Variants in SLC4A7 observed in about 807,000 individuals in gnomAD.
SLC4A7 encodes sodium bicarbonate cotransporter 3.
Under a neutral mutation model 137.6 loss-of-function variants are expected in SLC4A7, and 51 were observed. The ratio of observed to expected loss-of-function variants is 0.37; its 90% CI spans 0.30 to 0.47. SLC4A7 has a LOEUF of 0.47. SLC4A7 is among the 20% of genes least tolerant of loss of function. The probability of loss-of-function intolerance (pLI) is 1.00; values close to 1 mark genes in which losing one functional copy is unlikely to be tolerated. For synonymous variants in SLC4A7, 542 were observed against 518.6 expected (o/e 1.05, Z -0.61); for missense variants, 1,247 against 1,525.4 (o/e 0.82, Z 3.04).
chr3:27,434,198 C>A, intron 5 of SLC4A7, 94 bp from the exon 6 acceptor site: 2 of 769,202 alleles, frequency 2.6e-6, no homozygotes, highest in South Asian at 2.2e-5. Context: ...AAAATTAGAA[C>A]CTTAAATAGC....
chr3:27,468,017 A>C (rs1182744279), intron 1 of SLC4A7, among the ~76,000 whole-genome samples: 1 of 152,204 alleles, frequency 6.6e-6, no homozygotes, highest in Admixed American at 6.5e-5. Context: ...AAATCCTCTC[A>C]GGTTCAAGAG....
chr3:27,410,801 CA>C (rs1378420174), intron 12 of SLC4A7, among the ~76,000 whole-genome samples: 1 of 152,082 alleles, frequency 6.6e-6, no homozygotes, highest in Admixed American at 6.5e-5. Context: ...TTCACAGAGA[CA>C]AAAACACTTC....
chr3:27,387,315 A>G (rs996631067), intron 22 of SLC4A7, among the ~76,000 whole-genome samples: 10 of 152,296 alleles, frequency 6.6e-5, no homozygotes, highest in African/African-American at 2.4e-4. Context: ...GAAAAATAGC[A>G]TGTGTACAGT....
At position 27,411,755 on chromosome 3, in the gene SLC4A7, T is replaced by C; in HGVS notation, c.1660-7A>G. On this transcript the variant is annotated splice_region_variant and splice_polypyrimidine_tract_variant and intron_variant, in intron 11 of 25. Transcript: ENST00000454389. ...CAGGAATCTTTCTCTTTTCCTGAAT[T>C]TCACAAAAAACATTATTTTCAGAAT... 6.8e-7 allele frequency: 1 copy of C among 1,467,654 alleles called. No homozygotes were observed. Among genetic ancestry groups the C allele is most frequent in the Non-Finnish European group, 9.2e-7 (1 of 1,088,758 alleles). 90.9% of individuals were successfully genotyped at this position (1,467,654 alleles called of 1,614,324 possible).
chr3:27,442,582 G>A (rs575206716), intron 3 of SLC4A7, among the ~76,000 whole-genome samples: 175 of 151,916 alleles, frequency 1.2e-3, no homozygotes, highest in Non-Finnish European at 1.6e-3. Flanking sequence ...GTTAATTTTC[G>A]TATTTTTGGT....
chr3:27,459,884 C>A (rs1344304797), intron 1 of SLC4A7, among the ~76,000 whole-genome samples: 1 of 151,440 alleles, frequency 6.6e-6, no homozygotes, highest in Non-Finnish European at 1.5e-5. Context: ...CAATTTTAAA[C>A]AGTATCTTTC....
chr3:27,389,882 T>C (rs763275012), intron 22 of SLC4A7, 49 bp downstream of exon 22: 2 of 1,329,268 alleles, frequency 1.5e-6, no homozygotes, highest in African/African-American at 3.0e-5. Flanking sequence ...AAAAAATTAC[T>C]GTAAACATAT....
chr3:27,484,138 C>A lies in SLC4A7; in HGVS notation c.-12G>T. The A allele has an allele frequency of 7.3e-7, 1 of 1,367,198 alleles. No individual in the cohort carries two copies. Among genetic ancestry groups the A allele is most frequent in the South Asian group, 1.7e-5 (1 of 59,280 alleles). 84.7% of individuals were successfully genotyped at this position (1,367,198 alleles called of 1,614,324 possible). On this transcript the variant is annotated 5_prime_UTR_variant, in exon 1 of 26. Transcript: ENST00000454389. ...CCATCAGCCTCCATGGCCGGCCGGC[C>A]AGCCCGTGACGGCCGCTACGGTACT...
chr3:27,458,268 AGAT>A (rs1215411540), intron 1 of SLC4A7, among the ~76,000 whole-genome samples: 7 of 152,350 alleles, frequency 4.6e-5, no homozygotes, highest in Middle Eastern at 3.4e-3. Flanking sequence ...CTAGCAAAAT[AGAT>A]GATATTTAAT....
rs2050185683 is a variant in SLC4A7 at position 27,379,260 on chromosome 3, TCTG to T, written c.3684_3686del (p.Arg1229del). On this transcript the variant is annotated inframe_deletion, in exon 25 of 26. Transcript: ENST00000454389. ...ATAGTTATAACTACCTCATGTTAGA[TCTG>T]GTTACTTTGGCATTCTCAGTATTCA... The T allele has an allele frequency of 6.5e-7, 1 of 1,527,466 alleles. No homozygotes were observed. Among genetic ancestry groups the T allele is most frequent in the African/African-American group, 1.4e-5 (1 of 72,834 alleles). The allele number at this position is 1,527,466 out of a possible 1,614,324, so 94.6% of individuals were successfully genotyped here. A position where few individuals can be genotyped will look rare whatever the true frequency, so the allele number is the denominator to read the frequency against.
In SLC4A7 at chr3:27,394,859, A is replaced by G. The variant is rs1285592406; in HGVS notation, c.2866-90T>C. The G allele has an allele frequency of 1.9e-6, 3 of 1,539,594 alleles. No individual in the cohort carries two copies. In the African/African-American group the frequency reaches 4.1e-5, roughly 21 times the overall value. ...ACGAATTATAAAGAGGGAAGAAGCTAATTTTCATCTTACATCTTTTAATGT... is the reference window on the plus strand; with the variant it reads ...ACGAATTATAAAGAGGGAAGAAGCTGATTTTCATCTTACATCTTTTAATGT... On this transcript the variant is annotated intron_variant, in intron 19 of 25. Coordinates refer to ENST00000454389, the MANE Select transcript of SLC4A7 (RefSeq NM_001321103.2).
chr3:27,475,243 G>A (rs781195163), intron 1 of SLC4A7, among the ~76,000 whole-genome samples: 1 of 151,456 alleles, frequency 6.6e-6, no homozygotes, highest in Non-Finnish European at 1.5e-5. Context: ...TTATTATGTA[G>A]GATACTCCAT....
intron 1 of SLC4A7, among the ~76,000 whole-genome samples, chr3:27,474,919 C>T (rs181040027): frequency 1.8e-4 from 27 of 152,104 alleles, no homozygotes; most frequent in Admixed American, 1.5e-3. Context: ...ACCTGCCTGG[C>T]CAACATGGTG....
chr3:27,392,798 C>T (rs549793593), intron 20 of SLC4A7, among the ~76,000 whole-genome samples: 1 of 151,412 alleles, frequency 6.6e-6, no homozygotes, highest in East Asian at 1.9e-4. Flanking sequence ...TGCACTCCAG[C>T]CTGGGTGATG....
intron 5 of SLC4A7, 139 bp downstream of exon 5, chr3:27,436,249 A>G (rs1223943966): frequency 5.4e-6 from 3 of 558,900 alleles, no homozygotes; most frequent in Non-Finnish European, 8.9e-6. Flanking sequence ...TCTCATCTGC[A>G]AATTTATCAA....
intron 3 of SLC4A7, among the ~76,000 whole-genome samples, chr3:27,440,620 C>A (rs2057116496): frequency 6.6e-6 from 1 of 151,862 alleles, no homozygotes; most frequent in Non-Finnish European, 1.5e-5. Flanking sequence ...CCCAGCTACT[C>A]AGGAGGCTGA....
In SLC4A7 at chr3:27,448,667, C is replaced by A. The variant is rs1350895983; in HGVS notation, c.273G>T (p.Arg91=). The stretch of plus-strand genomic sequence containing the variant: ...TTCTCTTACCATAAGAAGGAGATTC[C>A]CGTCCATCTTCTTTATCTGATTCTT... ...KDKESDKEDG[R]ESPSYDTPSQ... Residue 91 remains arginine, a synonymous_variant, in exon 3 of 26, where the codon CGG becomes CGT. Coordinates refer to ENST00000454389, the MANE Select transcript of SLC4A7 (RefSeq NM_001321103.2). 3 of 1,611,082 alleles carry A rather than the reference C, an allele frequency of 1.9e-6. No individual in the cohort carries two copies. Among genetic ancestry groups the A allele is most frequent in the Non-Finnish European group, 2.5e-6 (3 of 1,178,520 alleles).
At chr3:27,470,352 C>A (rs1398557035) in intron 1 of SLC4A7, among the ~76,000 whole-genome samples, 3 of 151,616 alleles carry the variant, frequency 2.0e-5, no homozygotes, top group Non-Finnish European at 4.4e-5. Context: ...ATACATGGAA[C>A]AAGTAAGCTA....
chr3:27,395,817 T>C (rs2052093982), intron 18 of SLC4A7, among the ~76,000 whole-genome samples: 1 of 152,192 alleles, frequency 6.6e-6, no homozygotes, highest in South Asian at 2.1e-4. Context: ...GCATAATTCA[T>C]ATAAGGTGAA....
Sources: allele counts gnomAD v4.1 joint callset (sites outside exome capture counted in the v4.1 genomes callset), GRCh38; gene constraint gnomAD v4.1.1; transcripts MANE v1.5; gene names NCBI Gene and HGNC (gene_info 2026-07-23, HGNC 2026-07-21).